Variants in RBFOX1 observed in about 807,000 individuals in gnomAD.
RBFOX1 encodes the protein RNA binding fox-1 homolog 1.
Under a neutral mutation model 57.7 loss-of-function variants are expected in RBFOX1, and 8 were observed. The ratio of observed to expected loss-of-function variants is 0.14; its 90% CI spans 0.08 to 0.25. The LOEUF (loss-of-function observed/expected upper bound fraction) is 0.25. Among genes scored for constraint, RBFOX1 ranks in the 10% least tolerant of loss-of-function variants. RBFOX1 has a pLI of 1.00. For synonymous variants in RBFOX1, 326 were observed against 222.4 expected, an observed-to-expected ratio of 1.47 and a Z score of -4.15; for missense variants, 611 against 548.5, an observed-to-expected ratio of 1.11 and a Z score of -1.14.
intron 4 of RBFOX1, among the ~76,000 whole-genome samples, chr16:5,911,491 TAACA>T (rs2152210541): frequency 6.6e-6 from 1 of 152,310 alleles, no homozygotes; most frequent in East Asian, 1.9e-4. Flanking sequence ...TTTTCTTTAC[TAACA>T]GAGAGCTCGG....
chr16:6,328,262 C>G (rs924206186), intron 2 of RBFOX1, among the ~76,000 whole-genome samples: 2 of 152,074 alleles, frequency 1.3e-5, no homozygotes, highest in African/African-American at 2.4e-5. Context: ...ATGCAAGGAA[C>G]TTTGGGCACT....
intron 3 of RBFOX1, among the ~76,000 whole-genome samples, chr16:5,764,005 C>G (rs541534564): frequency 3.9e-5 from 6 of 152,316 alleles, no homozygotes; most frequent in African/African-American, 1.4e-4. Context: ...AGGGCAGGTA[C>G]TTTATCCTAT....
rs541401139 is a variant in RBFOX1 at position 7,001,598 on chromosome 16, A to G, written c.-15-50459A>G. 3.3e-5 allele frequency among the ~76,000 whole-genome samples: 5 copies of G among 152,176 alleles called. 1 individual carries two copies. In the East Asian group the frequency reaches 9.7e-4, roughly 29 times the overall value. Reference sequence around the variant, plus strand: ...CAGCCTCCCGAGTAGCTGGGATTACAGGCACGTGCCATCACACCCTGCTAA... The same window carrying G: ...CAGCCTCCCGAGTAGCTGGGATTACGGGCACGTGCCATCACACCCTGCTAA... On this transcript the variant is annotated intron_variant, in intron 3 of 15. Transcript: ENST00000550418.
chr16:5,588,590 G>C (rs1377625627), intron 2 of RBFOX1, among the ~76,000 whole-genome samples: 1 of 152,096 alleles, frequency 6.6e-6, no homozygotes, highest in Non-Finnish European at 1.5e-5. Context: ...CTCTATGACC[G>C]AGTTACGTAT....
At position 6,911,865 on chromosome 16, in the gene RBFOX1, G is replaced by A. The variant is rs140888465; in HGVS notation, c.-15-140192G>A. Among the ~76,000 whole-genome samples, 19 of 152,202 alleles carry A rather than the reference G, an allele frequency of 1.2e-4. No individual in the cohort carries two copies. The East Asian group carries it at 3.3e-3, about 26-fold the overall frequency. ...CAGTAAAGTGATTTTAAGAAAAGAC[G>A]TTAACTATATCATAGTACAGGTGGT... On this transcript the variant is annotated intron_variant, in intron 3 of 15. Coordinates refer to ENST00000550418, the MANE Select transcript of RBFOX1 (RefSeq NM_018723.4).
intron 2 of RBFOX1, among the ~76,000 whole-genome samples, chr16:6,557,164 CATAT>C (rs112405871): frequency 2.1e-5 from 3 of 144,534 alleles, no homozygotes; most frequent in African/African-American, 7.7e-5. Context: ...TATATATACA[CATAT>C]ATATATATAC....
intron 3 of RBFOX1, among the ~76,000 whole-genome samples, chr16:6,993,096 G>A (rs2091761312): frequency 1.3e-5 from 2 of 152,144 alleles, no homozygotes; most frequent in South Asian, 4.1e-4. Context: ...TTAGTCTACT[G>A]CATTCATCTT....
intron 4 of RBFOX1, among the ~76,000 whole-genome samples, chr16:7,071,657 A>G (rs1041322367): frequency 6.6e-6 from 1 of 151,578 alleles, no homozygotes; most frequent in South Asian, 2.1e-4. Flanking sequence ...ATACATACAT[A>G]CATACATACA....
intron 1 of RBFOX1, among the ~76,000 whole-genome samples, chr16:5,333,082 G>C (rs1299935405): frequency 6.6e-6 from 1 of 152,134 alleles, no homozygotes; most frequent in Non-Finnish European, 1.5e-5. Flanking sequence ...CAGCTACTCA[G>C]GAGACTGAGA....
intron 3 of RBFOX1, among the ~76,000 whole-genome samples, chr16:5,687,435 ATATG>A (rs745641820): frequency 3.0e-4 from 45 of 152,188 alleles, no homozygotes; most frequent in Non-Finnish European, 5.4e-4. Context: ...TAAGACACTG[ATATG>A]TACATCTCAC....
chr16:7,227,916 G>T (rs2093251492), intron 4 of RBFOX1, among the ~76,000 whole-genome samples: 1 of 152,190 alleles, frequency 6.6e-6, no homozygotes, highest in Non-Finnish European at 1.5e-5. Flanking sequence ...CCTTCTAGCA[G>T]GATTTTTCCA....
chr16:6,764,945 A>G (rs1006510808), intron 3 of RBFOX1, among the ~76,000 whole-genome samples: 7 of 152,196 alleles, frequency 4.6e-5, no homozygotes, highest in African/African-American at 9.6e-5. Context: ...AGAAAAAGAA[A>G]GAAATAAAAA....
At chr16:6,195,227 T>TTCA (rs1275272941) in intron 1 of RBFOX1, among the ~76,000 whole-genome samples, 1 of 152,228 alleles carries the variant, frequency 6.6e-6, no homozygotes, top group Non-Finnish European at 1.5e-5. Flanking sequence ...TAGGTTTTCT[T>TTCA]TCATCTTGGC....
At chr16:5,734,419 T>C (rs1781151792) in intron 3 of RBFOX1, among the ~76,000 whole-genome samples, 1 of 152,078 alleles carries the variant, frequency 6.6e-6, no homozygotes, top group African/African-American at 2.4e-5. Flanking sequence ...GAGAACAAGA[T>C]TCTGCCAAAA....
intron 2 of RBFOX1, among the ~76,000 whole-genome samples, chr16:6,336,024 G>C (rs113352157): frequency 0.017 from 2,593 of 149,358 alleles, 67 homozygotes; most frequent in African/African-American, 0.059. Context: ...ACCTCAGTCT[G>C]TGACCTTGGC....
At chr16:7,316,264 A>G (rs1442624400) in intron 4 of RBFOX1, among the ~76,000 whole-genome samples, 1 of 152,228 alleles carries the variant, frequency 6.6e-6, no homozygotes, top group Non-Finnish European at 1.5e-5. Flanking sequence ...CTGCTTACAC[A>G]TAGCAGACTT....
intron 1 of RBFOX1, among the ~76,000 whole-genome samples, chr16:5,263,272 T>G (rs1394902053): frequency 6.6e-6 from 1 of 152,148 alleles, no homozygotes; most frequent in Non-Finnish European, 1.5e-5. Flanking sequence ...GATACTTAAC[T>G]GGTACAAAAA....
intron 3 of RBFOX1, among the ~76,000 whole-genome samples, chr16:6,744,493 T>C (rs1006849320): frequency 2.6e-5 from 4 of 152,060 alleles, no homozygotes; most frequent in Non-Finnish European, 5.9e-5. Flanking sequence ...ATTGAAGTTA[T>C]TTCTCCAATC....
chr16:6,217,619 C>T (rs531268490), intron 1 of RBFOX1, among the ~76,000 whole-genome samples: 1 of 152,194 alleles, frequency 6.6e-6, no homozygotes, highest in African/African-American at 2.4e-5. Flanking sequence ...CATCACTTTG[C>T]ATGTTGACGG....
Sources: allele counts gnomAD v4.1 joint callset (sites outside exome capture counted in the v4.1 genomes callset), GRCh38; gene constraint gnomAD v4.1.1; transcripts MANE v1.5; gene names NCBI Gene and HGNC (gene_info 2026-07-23, HGNC 2026-07-21).